Variants in HIF3A observed in about 807,000 individuals in gnomAD.
The protein encoded by HIF3A is hypoxia inducible factor 3 subunit alpha.
A neutral mutation model predicts 67.2 loss-of-function variants in HIF3A; 41 were observed. The ratio of observed to expected loss-of-function variants is 0.61; its 90% CI spans 0.48 to 0.79. The LOEUF (loss-of-function observed/expected upper bound fraction) is 0.79, where lower values mean the gene tolerates loss of function less well. HIF3A is among the 30% of genes least tolerant of loss of function. The pLI is 0.00. For synonymous variants in HIF3A, 356 were observed against 374.8 expected (o/e 0.95, Z 0.58); for missense variants, 855 against 898.0 (o/e 0.95, Z 0.61).
rs1399400602 is a variant in HIF3A, at chr19:46,303,959, G to A, written c.88G>A (p.Glu30Lys). 6 of 1,605,798 alleles carry A rather than the reference G, an allele frequency of 3.7e-6. No individual in the cohort carries two copies. The highest frequency in any genetic ancestry group is 2.2e-5 in the East Asian group (1 of 44,602). The change falls in exon 2 of 15, where the codon GAG becomes AAG. Residue 30 changes from glutamate (E) to lysine (K), a missense_variant. Physicochemically the swap from Glu to Lys is moderately conservative, Grantham distance 56. Transcript: ENST00000377670. The stretch of plus-strand genomic sequence containing the variant: ...TGCGGCCCGCAGCCGGCGCAGCCAG[G>A]AGACCGAGGTGCTGTACCAGCTGGC... ...RDAARSRRSQ[E>K]TEVLYQLAHT...
chr19:46,334,072 C>T (rs970420233), intron 13 of HIF3A, among the ~76,000 whole-genome samples: 4 of 151,336 alleles, frequency 2.6e-5, no homozygotes, highest in African/African-American at 9.7e-5. Context: ...GGATTACAGG[C>T]GTGAGCCACC....
Position 46,335,002 on chromosome 19 carries a change from G to T in HIF3A, c.1912+16G>T. On this transcript the variant is annotated intron_variant, in intron 14 of 14. Transcript: ENST00000377670. Reference sequence around the variant, plus strand: ...GAGCCCCTGGGTGAGTAGCAACCTGGGTATCCAGAGCCCCAGAGCACCTTC... The same window carrying T: ...GAGCCCCTGGGTGAGTAGCAACCTGTGTATCCAGAGCCCCAGAGCACCTTC... The T allele has an allele frequency of 6.3e-7, 1 of 1,596,420 alleles. No individual in the cohort carries two copies. Among genetic ancestry groups the T allele is most frequent in the Non-Finnish European group, 8.5e-7 (1 of 1,169,706 alleles).
intron 6 of HIF3A, 86 bp downstream of exon 6, chr19:46,309,445 T>TTC (rs956169514): frequency 1.1e-4 from 74 of 676,470 alleles, no homozygotes; most frequent in Admixed American, 1.1e-3. Context: ...CTCTCTCTCC[T>TTC]TCTCTCTCTC....
rs779803941 is a variant in HIF3A, at chr19:46,334,948, A to G, written c.1874A>G (p.Asp625Gly). 8 of 1,607,886 alleles carry G rather than the reference A, an allele frequency of 5.0e-6. No homozygotes were observed. The highest frequency in any genetic ancestry group is 2.2e-5 in the South Asian group (2 of 89,396). Residue 625 changes from aspartate to glycine, a missense_variant, in exon 14 of 15, where the codon GAC (aspartate) becomes GGC (glycine). Transcript: ENST00000377670. The stretch of plus-strand genomic sequence containing the variant: ...GGACCAGCCCCAGGGAGCCTGCAGG[A>G]CCCCAGCACCCCACTCCTGAACCTG... ...TGGPAPGSLQ[D>G]PSTPLLNLNE...
At chr19:46,322,042 C>A in intron 10 of HIF3A, 76 bp downstream of exon 10, 1 of 1,430,174 alleles carries the variant, frequency 7.0e-7, no homozygotes, top group South Asian at 1.3e-5. Flanking sequence ...GTGACTTAAA[C>A]CTGACTGTTC....
At chr19:46,299,331 G>C (rs8112512) in intron 1 of HIF3A, among the ~76,000 whole-genome samples, 133,225 of 152,274 alleles carry the variant, frequency 0.87, 58,492 homozygotes, top group Non-Finnish European at 0.91. Context: ...AGAGCACAGG[G>C]CCCAAAGACA....
Position 46,308,103 on chromosome 19 carries a change from T to C in HIF3A, c.364-118T>C, listed in dbSNP as rs989190937. On this transcript the variant is annotated intron_variant, in intron 3 of 14. Coordinates refer to ENST00000377670, the MANE Select transcript of HIF3A (RefSeq NM_152795.4). Reference sequence around the variant, plus strand: ...ATGGATGGACAAATGGATGGATAAATGAATGGGGAGACTGGTGAAATCATC... The same window carrying C: ...ATGGATGGACAAATGGATGGATAAACGAATGGGGAGACTGGTGAAATCATC... 3.8e-6 allele frequency: 3 copies of C among 780,730 alleles called. No homozygotes were observed. In the African/African-American group the frequency reaches 5.1e-5, roughly 13 times the overall value. The allele number at this position is 780,730 out of a possible 1,614,324, so 48.4% of individuals were successfully genotyped here.
intron 1 of HIF3A, chr19:46,298,299 T>C: frequency 1.2e-6 from 1 of 842,986 alleles, no homozygotes; most frequent in South Asian, 1.5e-5. Flanking sequence ...GGGCCAGCTG[T>C]CGTTCCGCCC....
At chr19:46,329,613 G>A (rs1032763276) in intron 12 of HIF3A, 135 bp downstream of exon 12, 8 of 1,101,042 alleles carry the variant, frequency 7.3e-6, no homozygotes, top group Non-Finnish European at 9.8e-6. Flanking sequence ...GGTGGGCCCA[G>A]CACATGCCAA....
intron 8 of HIF3A, chr19:46,320,226 T>A: frequency 2.0e-6 from 1 of 497,912 alleles, no homozygotes; most frequent in East Asian, 3.7e-5. Flanking sequence ...TGAGACCTTG[T>A]CTTAAAAAAA....
At chr19:46,326,062 T>C (rs776776532) in intron 11 of HIF3A, among the ~76,000 whole-genome samples, 8 of 152,234 alleles carry the variant, frequency 5.3e-5, no homozygotes, top group African/African-American at 1.9e-4. Context: ...GCACCTTATC[T>C]GCTGGTTTTT....
rs1390768923 is a variant in HIF3A, at chr19:46,318,196, A to G, written c.1026-2247A>G. 7.6e-5 allele frequency among the ~76,000 whole-genome samples: 10 copies of G among 131,288 alleles called. No individual in the cohort carries two copies. In the East Asian group the frequency reaches 2.3e-3, roughly 30 times the overall value. The allele number at this position is 131,288 out of a possible 152,430, so 86.1% of individuals were successfully genotyped here. On this transcript the variant is annotated intron_variant, in intron 8 of 14. Transcript: ENST00000377670. ...CCAATAAAAGCATGATGCCAGCCAC[A>G]TATGTCATTTGGAATTTTTTTTTTT...
In HIF3A at chr19:46,321,846, C is replaced by T. The variant is rs771967017; in HGVS notation, c.1215C>T (p.Asp405=). The T allele has an allele frequency of 2.5e-6, 4 of 1,613,980 alleles. No individual in the cohort carries two copies. In the South Asian group the frequency reaches 4.4e-5, roughly 18 times the overall value. The part of the protein sequence containing the change: ...PSLSEAALAA[D]PRRFCSPDLR... Reference sequence around the variant, plus strand: ...TGAGCGAGGCTGCCCTGGCCGCTGACCCCCGCCGTTTCTGCAGCCCTGACC... The same window carrying T: ...TGAGCGAGGCTGCCCTGGCCGCTGATCCCCGCCGTTTCTGCAGCCCTGACC... The change falls in exon 10 of 15, where the codon GAC becomes GAT. Residue 405 remains aspartate (D), a synonymous_variant. Transcript: ENST00000377670.
intron 8 of HIF3A, among the ~76,000 whole-genome samples, chr19:46,318,281 C>T (rs1030822829): frequency 8.0e-5 from 12 of 150,920 alleles, no homozygotes; most frequent in African/African-American, 2.7e-4. Flanking sequence ...AAAAGGTAAA[C>T]GGAATGCTGG....
At chr19:46,307,680 G>A (rs2147143915) in intron 3 of HIF3A, among the ~76,000 whole-genome samples, 1 of 151,870 alleles carries the variant, frequency 6.6e-6, no homozygotes, top group African/African-American at 2.4e-5. Context: ...CCAGGGAGGT[G>A]GAGGTTGCAG....
intron 10 of HIF3A, among the ~76,000 whole-genome samples, chr19:46,323,344 C>T (rs1351214559): frequency 5.3e-5 from 8 of 152,002 alleles, no homozygotes; most frequent in Non-Finnish European, 8.8e-5. Flanking sequence ...CCACCGCGCC[C>T]GGCCTCTGGG....
intron 10 of HIF3A, among the ~76,000 whole-genome samples, chr19:46,324,745 T>C (rs956119448): frequency 6.6e-6 from 1 of 151,290 alleles, no homozygotes; most frequent in Admixed American, 6.6e-5. Flanking sequence ...TCCCAGCTAC[T>C]TGGGAGGCTG....
intron 3 of HIF3A, chr19:46,306,586 GAACT>G (rs1248796175): frequency 6.6e-6 from 1 of 152,192 alleles, no homozygotes; most frequent in Non-Finnish European, 1.5e-5. Flanking sequence ...ATAGAAAGTA[GAACT>G]AACTTTAATT....
rs144266499 is a variant in HIF3A, at chr19:46,308,133, C to T, written c.364-88C>T. The T allele has an allele frequency of 4.0e-3, 3,401 of 859,628 alleles. 10 individuals are homozygous for T. The highest frequency in any genetic ancestry group is 5.8e-3 in the Non-Finnish European group (2,842 of 492,690). 53.3% of individuals were successfully genotyped at this position (859,628 alleles called of 1,614,324 possible). On this transcript the variant is annotated intron_variant, in intron 3 of 14. Transcript: ENST00000377670. ...GGGGAGACTGGTGAAATCATCCAGG[C>T]TCATGAATTGGAGCAGGGGAATGAG...
Sources: allele counts gnomAD v4.1 joint callset (sites outside exome capture counted in the v4.1 genomes callset), GRCh38; gene constraint gnomAD v4.1.1; transcripts MANE v1.5; gene names NCBI Gene and HGNC (gene_info 2026-07-23, HGNC 2026-07-21).